Variants in PDE8A observed in about 807,000 individuals in gnomAD.
The protein encoded by PDE8A is high affinity cAMP-specific and IBMX-insensitive 3',5'-cyclic phosphodiesterase 8A.
In PDE8A, 59 loss-of-function variants were observed where a neutral mutation model predicts 105.0. That is an observed-to-expected ratio of 0.56 (90% CI 0.46 to 0.70). The LOEUF (loss-of-function observed/expected upper bound fraction) is 0.70. PDE8A is among the 30% of genes least tolerant of loss of function. The pLI, the probability that PDE8A is intolerant of heterozygous loss-of-function variation, is 0.00. For missense variants in PDE8A, 1,014 were observed against 1,045.9 expected, an observed-to-expected ratio of 0.97 and a Z score of 0.42; for synonymous variants, 355 against 371.9, an observed-to-expected ratio of 0.95 and a Z score of 0.52.
At chr15:84,987,122 G>A (rs1375229844) in intron 1 of PDE8A, among the ~76,000 whole-genome samples, 1 of 152,178 alleles carries the variant, frequency 6.6e-6, no homozygotes, top group African/African-American at 2.4e-5. Context: ...CTAGAGCTCA[G>A]GGGTTGTGAG....
intron 12 of PDE8A, among the ~76,000 whole-genome samples, chr15:85,111,453 T>C (rs2082019788): frequency 6.6e-6 from 1 of 152,198 alleles, no homozygotes; most frequent in African/African-American, 2.4e-5. Flanking sequence ...AACTCGTCTA[T>C]CACCATATTG....
intron 1 of PDE8A, among the ~76,000 whole-genome samples, chr15:85,001,222 G>A (rs1239128860): frequency 1.3e-5 from 2 of 152,016 alleles, no homozygotes; most frequent in Admixed American, 6.6e-5. Flanking sequence ...CCAATGCTCC[G>A]CAAGAATTTC....
chr15:85,108,063 A>G (rs551537601), intron 11 of PDE8A, among the ~76,000 whole-genome samples: 1 of 152,356 alleles, frequency 6.6e-6, no homozygotes, highest in East Asian at 1.9e-4. Context: ...AAGTCAGGTC[A>G]GGTAAGGATT....
rs1191736690 is a variant in PDE8A, at chr15:85,115,636, G to A, written c.1399+149G>A. 2.8e-5 allele frequency: 16 copies of A among 566,920 alleles called. 1 individual carries two copies. The East Asian group carries it at 5.0e-4, about 18-fold the overall frequency. The allele number at this position is 566,920 out of a possible 1,614,324, so 35.1% of individuals were successfully genotyped here. On this transcript the variant is annotated intron_variant, in intron 15 of 21. Transcript: ENST00000394553. ...AAGCAGCTGTCCCTGAGGCGGTACTGTCCTCCCTAAGAAACAGTTAATCCT... is the reference window on the plus strand; with the variant it reads ...AAGCAGCTGTCCCTGAGGCGGTACTATCCTCCCTAAGAAACAGTTAATCCT...
intron 1 of PDE8A, among the ~76,000 whole-genome samples, chr15:85,056,200 C>A (rs983987607): frequency 2.0e-5 from 3 of 152,146 alleles, no homozygotes; most frequent in Non-Finnish European, 4.4e-5. Flanking sequence ...ATGGGCTTCC[C>A]TTTGTGGGTA....
At chr15:85,075,765 A>C (rs996821707) in intron 3 of PDE8A, 97 bp from the exon 4 acceptor site, 12 of 656,224 alleles carry the variant, frequency 1.8e-5, no homozygotes, top group Non-Finnish European at 2.6e-6. Flanking sequence ...TCTCCCTTCT[A>C]CCCCTCTTCC....
chr15:85,069,412 G>C (rs901282076), intron 3 of PDE8A, among the ~76,000 whole-genome samples: 1 of 152,140 alleles, frequency 6.6e-6, no homozygotes, highest in African/African-American at 2.4e-5. Context: ...CACAGTTGGC[G>C]CACAGGATTG....
intron 5 of PDE8A, among the ~76,000 whole-genome samples, chr15:85,080,713 A>G (rs1420447134): frequency 6.6e-6 from 1 of 152,100 alleles, no homozygotes; most frequent in Admixed American, 6.6e-5. Flanking sequence ...TGGTCCTTAT[A>G]TTTTCTTAGT....
At chr15:85,075,021 T>C (rs2081361909) in intron 3 of PDE8A, among the ~76,000 whole-genome samples, 1 of 152,166 alleles carries the variant, frequency 6.6e-6, no homozygotes, top group South Asian at 2.1e-4. Context: ...TCCAGTGGAG[T>C]TGTTCTTCTC....
At chr15:85,089,053 C>G (rs1320698003) in intron 6 of PDE8A, among the ~76,000 whole-genome samples, 2 of 152,032 alleles carry the variant, frequency 1.3e-5, no homozygotes, top group South Asian at 4.1e-4. Flanking sequence ...GCCCAGGGTC[C>G]CACAGCTGCT....
intron 20 of PDE8A, among the ~76,000 whole-genome samples, chr15:85,130,978 A>C (rs1023754376): frequency 1.3e-5 from 2 of 152,070 alleles, no homozygotes; most frequent in East Asian, 3.9e-4. Flanking sequence ...GCTGGTCTCT[A>C]ACTCCTGACC....
At chr15:85,034,151 A>T (rs2080663698) in intron 1 of PDE8A, among the ~76,000 whole-genome samples, 1 of 152,236 alleles carries the variant, frequency 6.6e-6, no homozygotes, top group Admixed American at 6.5e-5. Context: ...CCGTATTATT[A>T]ACGATCATGG....
intron 1 of PDE8A, among the ~76,000 whole-genome samples, chr15:85,034,925 T>C (rs2080678214): frequency 6.6e-6 from 1 of 152,156 alleles, no homozygotes; most frequent in Non-Finnish European, 1.5e-5. Flanking sequence ...TTGATAGATA[T>C]TTATAAATAA....
At chr15:85,103,176 C>T (rs56005972) in intron 11 of PDE8A, among the ~76,000 whole-genome samples, 28,998 of 151,962 alleles carry the variant, frequency 0.19, 3,251 homozygotes, top group East Asian at 0.38. Context: ...GAGCTGAGAT[C>T]GCGCCACTGC....
At chr15:84,990,388 A>G (rs2079868468) in intron 1 of PDE8A, among the ~76,000 whole-genome samples, 1 of 152,224 alleles carries the variant, frequency 6.6e-6, no homozygotes, top group African/African-American at 2.4e-5. Context: ...CTCCCTTTCC[A>G]TTCTTACCCC....
At chr15:85,037,104 C>T (rs1353233861) in intron 1 of PDE8A, among the ~76,000 whole-genome samples, 13 of 148,752 alleles carry the variant, frequency 8.7e-5, no homozygotes, top group Non-Finnish European at 1.5e-4. Flanking sequence ...TCTCTCTTGT[C>T]GCCCAGGCTG....
intron 8 of PDE8A, 159 bp from the exon 9 acceptor site, chr15:85,097,789 A>G (rs2081782672): frequency 1.7e-6 from 1 of 594,130 alleles, no homozygotes. Flanking sequence ...TTTGGAAGTT[A>G]AGAAAGAATT....
chr15:84,984,855 T>C (rs919091780), intron 1 of PDE8A, among the ~76,000 whole-genome samples: 1 of 152,164 alleles, frequency 6.6e-6, no homozygotes, highest in Non-Finnish European at 1.5e-5. Flanking sequence ...CAATGGAGCA[T>C]TTCAGAGTTT....
chr15:85,093,096 G>A (rs2081675066), intron 8 of PDE8A, among the ~76,000 whole-genome samples: 1 of 151,982 alleles, frequency 6.6e-6, no homozygotes, highest in African/African-American at 2.4e-5. Flanking sequence ...GTAGAGACGG[G>A]TTCTCTGTAT....
Sources: allele counts gnomAD v4.1 joint callset (sites outside exome capture counted in the v4.1 genomes callset), GRCh38; gene constraint gnomAD v4.1.1; transcripts MANE v1.5; gene names NCBI Gene and HGNC (gene_info 2026-07-23, HGNC 2026-07-21).